VPS13C: variants seen among roughly 807,000 people sequenced by gnomAD.
VPS13C encodes the protein intermembrane lipid transfer protein VPS13C.
VPS13C carries 358 observed loss-of-function variants against 456.8 expected under a neutral mutation model. The ratio of observed to expected loss-of-function variants is 0.78; its 90% CI spans 0.72 to 0.86. VPS13C has a LOEUF of 0.86. VPS13C is among the 40% of genes least tolerant of loss of function. VPS13C has a pLI of 0.00. For missense variants in VPS13C, 4,818 were observed against 4,385.4 expected (o/e 1.10, Z -2.79); for synonymous variants, 1,578 against 1,486.7 (o/e 1.06, Z -1.41).
At chr15:61,965,611 A>C (rs1032111289) in intron 30 of VPS13C, among the ~76,000 whole-genome samples, 4 of 151,948 alleles carry the variant, frequency 2.6e-5, no homozygotes, top group Non-Finnish European at 5.9e-5. Flanking sequence ...CTCTCAAAAA[A>C]GTGTGAGCTA....
At chr15:62,039,971 C>T (rs754956826) in intron 3 of VPS13C, among the ~76,000 whole-genome samples, 5 of 152,088 alleles carry the variant, frequency 3.3e-5, no homozygotes, top group Non-Finnish European at 7.4e-5. Flanking sequence ...TGTCCATCAA[C>T]AGGTGAATGG....
chr15:61,998,486 A>G (rs953487249), intron 16 of VPS13C, among the ~76,000 whole-genome samples: 2 of 152,228 alleles, frequency 1.3e-5, no homozygotes, highest in African/African-American at 4.8e-5. Flanking sequence ...GCACATAATC[A>G]TTTAAGTGTT....
chr15:62,028,722 A>C (rs2047719592), intron 5 of VPS13C, among the ~76,000 whole-genome samples: 2 of 152,074 alleles, frequency 1.3e-5, no homozygotes, highest in African/African-American at 4.8e-5. Context: ...CAAGTTTTCA[A>C]ACAGTGCAAA....
rs76878785 is a variant in VPS13C, at chr15:61,967,590, C to T, written c.2912-143G>A. 2,269 of 623,070 alleles carry T rather than the reference C, an allele frequency of 3.6e-3. 53 individuals are homozygous for T. In the African/African-American group the frequency reaches 0.041, roughly 11 times the overall value. 38.6% of individuals were successfully genotyped at this position (623,070 alleles called of 1,614,324 possible). ...TGTCATAGCTATTAAATACAAAGGC[C>T]ATCACTGTTGAAGAAATTAACCAAT... On this transcript the variant is annotated intron_variant, in intron 28 of 84. Transcript: ENST00000644861.
chr15:62,057,092 C>T (rs542139947), intron 1 of VPS13C, among the ~76,000 whole-genome samples: 15 of 152,132 alleles, frequency 9.9e-5, no homozygotes, highest in African/African-American at 1.4e-4. Context: ...TATTTCTACA[C>T]TCTCTCGTCG....
chr15:62,056,683 C>T (rs2048812479), intron 1 of VPS13C, among the ~76,000 whole-genome samples: 1 of 152,166 alleles, frequency 6.6e-6, no homozygotes, highest in South Asian at 2.1e-4. Flanking sequence ...AACCGTCTCC[C>T]TGTGATGCTG....
In VPS13C at chr15:61,854,339, A is replaced by G; in HGVS notation, c.*118T>C. 2.0e-6 allele frequency: 2 copies of G among 987,942 alleles called. No homozygotes were observed. Among genetic ancestry groups the G allele is most frequent in the Non-Finnish European group, 3.2e-6 (2 of 623,416 alleles). 61.2% of individuals were successfully genotyped at this position (987,942 alleles called of 1,614,324 possible). A position where few individuals can be genotyped will look rare whatever the true frequency, so the allele number is the denominator to read the frequency against. ...TAGAAAACCCAATACTAGCTATTCCAGAAAACTAAAACTAAAGGATTGCTT... is the reference window on the plus strand; with the variant it reads ...TAGAAAACCCAATACTAGCTATTCCGGAAAACTAAAACTAAAGGATTGCTT... On this transcript the variant is annotated 3_prime_UTR_variant, in exon 85 of 85. Transcript: ENST00000644861.
intron 66 of VPS13C, among the ~76,000 whole-genome samples, chr15:61,900,196 C>G (rs1326995145): frequency 6.6e-6 from 1 of 152,146 alleles, no homozygotes; most frequent in Non-Finnish European, 1.5e-5. Context: ...CCTTTGAAAA[C>G]TGGCACAAGA....
chr15:61,991,558 C>CT (rs1223452149), intron 17 of VPS13C, 115 bp downstream of exon 17: 17 of 1,191,664 alleles, frequency 1.4e-5, no homozygotes, highest in Non-Finnish European at 1.9e-5. Context: ...ATTTACTATA[C>CT]TGAGGTAATT....
At chr15:62,013,202 C>T in intron 10 of VPS13C, 83 bp from the exon 11 acceptor site, 1 of 1,002,908 alleles carries the variant, frequency 1.0e-6, no homozygotes, top group Admixed American at 2.8e-5. Context: ...TCATGTTCAC[C>T]ACTCCAAAAT....
intron 75 of VPS13C, among the ~76,000 whole-genome samples, chr15:61,876,149 C>G (rs927625383): frequency 1.3e-5 from 2 of 151,918 alleles, no homozygotes; most frequent in Non-Finnish European, 2.9e-5. Context: ...AATGGAAGGT[C>G]AGGCTGGGTG....
rs1455453716 is a variant in VPS13C at position 61,982,508 on chromosome 15, T to C, written c.1980A>G (p.Thr660=). The change falls in exon 21 of 85, where the codon ACA becomes ACG. Residue 660 remains threonine (T), a synonymous_variant. Coordinates refer to ENST00000644861, the MANE Select transcript of VPS13C (RefSeq NM_020821.3). ...CTTCCAGCTTCATCAATGTTGCTGA[T>C]GTTATTTGCTCAAGATCCAATCCCT... ...SNKGLDLEQI[T]SATLMKLEEI... The C allele has an allele frequency of 1.2e-6, 2 of 1,610,530 alleles. No individual in the cohort carries two copies. The highest frequency in any genetic ancestry group is 1.7e-6 in the Non-Finnish European group (2 of 1,178,954).
In VPS13C at chr15:61,918,131, T is replaced by C; in HGVS notation, c.7760+5A>G. ...TAAAGTTTAATACATTTAAGAAGTA[T>C]CTACCTATATGAATCTAAAGGAACA... On this transcript the variant is annotated splice_donor_5th_base_variant and intron_variant, in intron 59 of 84. Transcript: ENST00000644861. 1 of 1,579,046 alleles carries C rather than the reference T, an allele frequency of 6.3e-7. No homozygotes were observed. The highest frequency in any genetic ancestry group is 8.6e-7 in the Non-Finnish European group (1 of 1,169,416).
At chr15:61,987,517 A>T (rs2046092162) in intron 18 of VPS13C, among the ~76,000 whole-genome samples, 2 of 152,102 alleles carry the variant, frequency 1.3e-5, no homozygotes, top group Admixed American at 1.3e-4. Flanking sequence ...TCACGACAAC[A>T]GTATCGGAGA....
chr15:62,041,374 A>C lies in VPS13C; in HGVS notation c.145-8T>G, dbSNP rs1299456197. On this transcript the variant is annotated splice_region_variant and splice_polypyrimidine_tract_variant and intron_variant, in intron 2 of 84. Coordinates refer to ENST00000644861, the MANE Select transcript of VPS13C (RefSeq NM_020821.3). ...AGGAACATCCAATTCACTCTTCAGAAGAAAGAGAAAATGTAAAGGACATCT... is the reference window on the plus strand; with the variant it reads ...AGGAACATCCAATTCACTCTTCAGACGAAAGAGAAAATGTAAAGGACATCT... The C allele has an allele frequency of 1.2e-6, 2 of 1,603,176 alleles. No homozygotes were observed. Among genetic ancestry groups the C allele is most frequent in the Non-Finnish European group, 1.7e-6 (2 of 1,177,494 alleles).
At chr15:61,969,479 T>C (rs971924746) in intron 27 of VPS13C, 27 bp from the exon 28 acceptor site, 4 of 1,462,408 alleles carry the variant, frequency 2.7e-6, no homozygotes, top group Non-Finnish European at 3.7e-6. Context: ...CAATGAAAAG[T>C]TGATAAGAAG....
At chr15:62,057,776 TACG>T (rs2048848769) in intron 1 of VPS13C, among the ~76,000 whole-genome samples, 1 of 152,216 alleles carries the variant, frequency 6.6e-6, no homozygotes, top group African/African-American at 2.4e-5. Context: ...AACATAAAAT[TACG>T]ACATTTTTAA....
rs75173153 is a variant in VPS13C, at chr15:61,969,124, A to G, written c.2911+175T>C. 8.0e-3 allele frequency among the ~76,000 whole-genome samples: 1,225 copies of G among 152,258 alleles called. 14 individuals carry two copies. Among genetic ancestry groups the G allele is most frequent in the African/African-American group, 0.028 (1,181 of 41,552 alleles). On this transcript the variant is annotated intron_variant, in intron 28 of 84. Coordinates refer to ENST00000644861, the MANE Select transcript of VPS13C (RefSeq NM_020821.3). ...TTTACTTACATTTAAACCATAGATT[A>G]TAACACTGCCTACCCCATAGCACTG...
rs555578819 is a variant in VPS13C, at chr15:61,893,402, T to C, written c.9106-3002A>G. On this transcript the variant is annotated intron_variant, in intron 66 of 84. Transcript: ENST00000644861. Reference sequence around the variant, plus strand: ...ATCCAACAAAGCTTTGTTTCAAACATGACAGAGAGATAAAGTTTTTATCAG... The same window carrying C: ...ATCCAACAAAGCTTTGTTTCAAACACGACAGAGAGATAAAGTTTTTATCAG... Among the ~76,000 whole-genome samples, 13 of 152,062 alleles carry C rather than the reference T, an allele frequency of 8.5e-5. No individual in the cohort carries two copies. The East Asian group carries it at 1.7e-3, about 20-fold the overall frequency.
Sources: allele counts gnomAD v4.1 joint callset (sites outside exome capture counted in the v4.1 genomes callset), GRCh38; gene constraint gnomAD v4.1.1; transcripts MANE v1.5; gene names NCBI Gene and HGNC (gene_info 2026-07-23, HGNC 2026-07-21).